Variants in SMG6 observed in about 807,000 individuals in gnomAD.
SMG6 encodes telomerase-binding protein EST1A.
SMG6 carries 66 observed loss-of-function variants against 142.2 expected under a neutral mutation model. That is an observed-to-expected ratio of 0.46 (90% CI 0.38 to 0.57). SMG6 has a LOEUF of 0.57. SMG6 is among the 20% of genes least tolerant of loss of function. The pLI is 0.00. For synonymous variants in SMG6, 779 were observed against 702.4 expected, an observed-to-expected ratio of 1.11 and a Z score of -1.72; for missense variants, 1,793 against 1,832.0, an observed-to-expected ratio of 0.98 and a Z score of 0.39.
chr17:2,149,106 T>C (rs867196720), intron 13 of SMG6, among the ~76,000 whole-genome samples: 1 of 152,082 alleles, frequency 6.6e-6, no homozygotes, highest in African/African-American at 2.4e-5. Context: ...TCCCAGCACT[T>C]TGGGAGGCCG....
chr17:2,138,534 C>T lies in SMG6; in HGVS notation c.3357+34124G>A, dbSNP rs184947363. On this transcript the variant is annotated intron_variant, in intron 13 of 18. Coordinates refer to ENST00000263073, the MANE Select transcript of SMG6 (RefSeq NM_017575.5). ...AGTTTCAGGAGGAGACTGAGCAAAA[C>T]ACTATCCAGCTACAGGAGTAGTAGA... Among the ~76,000 whole-genome samples, 7 of 152,282 alleles carry T rather than the reference C, an allele frequency of 4.6e-5. No individual in the cohort carries two copies. In the East Asian group the frequency reaches 1.2e-3, roughly 25 times the overall value.
chr17:2,085,094 G>T lies in SMG6; in HGVS notation c.3534+631C>A, dbSNP rs2068520149. 1.3e-5 allele frequency among the ~76,000 whole-genome samples: 2 copies of T among 152,126 alleles called. No homozygotes were observed. The highest frequency in any genetic ancestry group is 2.9e-5 in the Non-Finnish European group (2 of 68,034). On this transcript the variant is annotated intron_variant, in intron 14 of 18. Coordinates refer to ENST00000263073, the MANE Select transcript of SMG6 (RefSeq NM_017575.5). The surrounding 1 kb of genome is among the most constrained non-coding windows in gnomAD (Gnocchi z 4.1). ...ACTGCCAGTGGACTATTGCAGGGGCGGGTACACAGGCTCATGCATGTGCAT... is the reference window on the plus strand; with the variant it reads ...ACTGCCAGTGGACTATTGCAGGGGCTGGTACACAGGCTCATGCATGTGCAT...
intron 13 of SMG6, among the ~76,000 whole-genome samples, chr17:2,102,257 G>T (rs549652809): frequency 6.6e-6 from 1 of 152,242 alleles, no homozygotes; most frequent in East Asian, 1.9e-4. Context: ...TATATTTTAT[G>T]AATACAATGT....
At chr17:2,115,375 G>A (rs1325064402) in intron 13 of SMG6, among the ~76,000 whole-genome samples, 2 of 152,112 alleles carry the variant, frequency 1.3e-5, no homozygotes. Flanking sequence ...AGTTCAACAG[G>A]ATACCAATCT....
rs566163834 is a variant in SMG6, at chr17:2,065,280, C to T, written c.4048-126G>A. On this transcript the variant is annotated intron_variant, in intron 17 of 18. Transcript: ENST00000263073. The stretch of plus-strand genomic sequence containing the variant: ...CTCCCCGATCCCTCCCATGCATGCG[C>T]TGGCCCTGCCTGGCCTGATCTGACT... 115 of 966,524 alleles carry T rather than the reference C, an allele frequency of 1.2e-4. 3 individuals are homozygous for T. In the South Asian group the frequency reaches 1.6e-3, roughly 14 times the overall value. The allele number at this position is 966,524 out of a possible 1,614,324, so 59.9% of individuals were successfully genotyped here.
intron 13 of SMG6, among the ~76,000 whole-genome samples, chr17:2,090,885 C>T (rs953973386): frequency 2.0e-5 from 3 of 152,204 alleles, no homozygotes; most frequent in Non-Finnish European, 4.4e-5. Flanking sequence ...AAGATGCAGA[C>T]AGGAACATGA....
chr17:2,174,554 G>C (rs988044146), intron 12 of SMG6, among the ~76,000 whole-genome samples: 8 of 152,140 alleles, frequency 5.3e-5, no homozygotes, highest in African/African-American at 1.9e-4. Context: ...GAACCAGACG[G>C]AACACAGCCC....
At chr17:2,138,427 G>A (rs530175057) in intron 13 of SMG6, among the ~76,000 whole-genome samples, 2 of 152,148 alleles carry the variant, frequency 1.3e-5, no homozygotes, top group African/African-American at 4.8e-5. Context: ...AGTGGCTGTG[G>A]CCTACAGTGT....
intron 10 of SMG6, among the ~76,000 whole-genome samples, chr17:2,214,960 G>A (rs1020934267): frequency 6.6e-6 from 1 of 152,128 alleles, no homozygotes; most frequent in African/African-American, 2.4e-5. Context: ...AAGAACTGAG[G>A]AATGCTCTCG....
chr17:2,063,502 C>CG (rs2067845338), intron 18 of SMG6, among the ~76,000 whole-genome samples: 1 of 152,124 alleles, frequency 6.6e-6, no homozygotes, highest in South Asian at 2.1e-4. Flanking sequence ...GGGGTGAAGT[C>CG]GGGGGTGGGA....
At chr17:2,200,734 G>A (rs556452486) in intron 10 of SMG6, among the ~76,000 whole-genome samples, 1 of 152,092 alleles carries the variant, frequency 6.6e-6, no homozygotes, top group Non-Finnish European at 1.5e-5. Context: ...GAATGAGACA[G>A]GCTCTCGCTC....
Position 2,104,600 on chromosome 17 carries a change from T to G in SMG6, c.3358-18699A>C, listed in dbSNP as rs61457297. Among the ~76,000 whole-genome samples, 347 of 151,626 alleles carry G rather than the reference T, an allele frequency of 2.3e-3. 6 individuals carry two copies. The East Asian group carries it at 0.049, about 21-fold the overall frequency. ...CAGGTAGAGCAAGTTAGCATCTTAC[T>G]TCCTCTGCAATTTTCATTGATCACG... On this transcript the variant is annotated intron_variant, in intron 13 of 18. Transcript: ENST00000263073.
chr17:2,201,677 CA>C (rs58219330), intron 10 of SMG6, among the ~76,000 whole-genome samples: 2,225 of 127,598 alleles, frequency 0.017, 41 homozygotes, highest in African/African-American at 0.052. Context: ...AGACTTGATT[CA>C]AAAAAAAAAA....
At chr17:2,198,540 T>C (rs2072405645) in intron 10 of SMG6, among the ~76,000 whole-genome samples, 1 of 152,172 alleles carries the variant, frequency 6.6e-6, no homozygotes, top group Admixed American at 6.5e-5. Context: ...AATGTCAGTT[T>C]CACGATGTTG....
At chr17:2,156,048 TTTTTTTTA>T (rs1653553439) in intron 13 of SMG6, among the ~76,000 whole-genome samples, 1 of 124,892 alleles carries the variant, frequency 8.0e-6, no homozygotes, top group East Asian at 2.1e-4. Flanking sequence ...CTTTTTTTTT[TTTTTTTTA>T]AAATAATGAA....
At chr17:2,282,476 T>C (rs1486345737) in intron 8 of SMG6, among the ~76,000 whole-genome samples, 171 bp downstream of exon 8, 3 of 149,068 alleles carry the variant, frequency 2.0e-5, no homozygotes, top group Non-Finnish European at 4.4e-5. Context: ...GGGAAGTACA[T>C]AATAAAGATA....
intron 8 of SMG6, among the ~76,000 whole-genome samples, chr17:2,262,707 T>C (rs1450874469): frequency 6.6e-6 from 1 of 152,256 alleles, no homozygotes; most frequent in Non-Finnish European, 1.5e-5. Flanking sequence ...ATTACATTTA[T>C]AACACTTTAT....
intron 8 of SMG6, among the ~76,000 whole-genome samples, chr17:2,262,181 T>A (rs1597734353): frequency 6.6e-6 from 1 of 152,228 alleles, no homozygotes; most frequent in East Asian, 1.9e-4. Context: ...AAGTCAAGAA[T>A]AGGACTTAGT....
chr17:2,087,239 C>A, intron 13 of SMG6: 2 of 1,288,970 alleles, frequency 1.6e-6, no homozygotes, highest in East Asian at 5.6e-5. Context: ...AGACGGACAG[C>A]CCAGGGAAGC....
Sources: allele counts gnomAD v4.1 joint callset (sites outside exome capture counted in the v4.1 genomes callset), GRCh38; gene constraint gnomAD v4.1.1; non-coding constraint Gnocchi (gnomAD v3.1); transcripts MANE v1.5; gene names NCBI Gene and HGNC (gene_info 2026-07-23, HGNC 2026-07-21).